Variants in THBS4 observed in about 807,000 individuals in gnomAD.
THBS4 encodes thrombospondin 4, also known as thrombospondin-4.
THBS4 carries 90 observed loss-of-function variants against 115.7 expected under a neutral mutation model. That is an observed-to-expected ratio of 0.78 (90% CI 0.66 to 0.93). THBS4 has a LOEUF of 0.93. THBS4 is among the 40% of genes least tolerant of loss of function. The pLI is 0.00. For synonymous variants in THBS4, 460 were observed against 479.3 expected, an observed-to-expected ratio of 0.96 and a Z score of 0.53; for missense variants, 1,087 against 1,232.7, an observed-to-expected ratio of 0.88 and a Z score of 1.77.
chr5:80,042,766 G>A (rs1832943796), intron 2 of THBS4, among the ~76,000 whole-genome samples: 1 of 152,140 alleles, frequency 6.6e-6, no homozygotes, highest in Non-Finnish European at 1.5e-5. Context: ...AGGAGTTCGA[G>A]AACAGCATGG....
rs1366397703 is a variant in THBS4 at position 80,082,431 on chromosome 5, T to G, written c.2710T>G (p.Leu904Val). 13 of 1,614,030 alleles carry G rather than the reference T, an allele frequency of 8.1e-6. No homozygotes were observed. Among genetic ancestry groups the G allele is most frequent in the African/African-American group, 4.0e-5 (3 of 74,926 alleles). ...IRVRFYEGSELVADSGVTIDT... is the reference protein window; with the variant it reads ...IRVRFYEGSEVVADSGVTIDT... Reference sequence around the variant, plus strand: ...GGTACGATTTTATGAAGGCTCTGAGTTGGTGGCTGACTCTGGCGTCACCAT... The same window carrying G: ...GGTACGATTTTATGAAGGCTCTGAGGTGGTGGCTGACTCTGGCGTCACCAT... The change falls in exon 21 of 22, where the codon TTG (leucine) becomes GTG (valine). Residue 904 changes from leucine (L) to valine (V), a missense_variant. Transcript: ENST00000350881.
intron 17 of THBS4, 156 bp from the exon 18 acceptor site, chr5:80,078,765 A>G (rs10037941): frequency 4.9e-6 from 3 of 610,074 alleles, no homozygotes; most frequent in Non-Finnish European, 2.7e-6. Flanking sequence ...CTTTGAGCAC[A>G]TAACACAATA....
chr5:80,070,442 T>C (rs1207245359), intron 11 of THBS4, 32 bp downstream of exon 11: 3 of 1,586,400 alleles, frequency 1.9e-6, no homozygotes, highest in Non-Finnish European at 2.6e-6. Context: ...TAGGCACACA[T>C]GCACTGTGGC....
intron 2 of THBS4, among the ~76,000 whole-genome samples, chr5:80,011,894 A>G (rs1359860018): frequency 6.6e-6 from 1 of 152,094 alleles, no homozygotes; most frequent in African/African-American, 2.4e-5. Context: ...AAGAAAAAAA[A>G]GAAAGAAAGA....
intron 8 of THBS4, among the ~76,000 whole-genome samples, chr5:80,063,478 C>T (rs952686089): frequency 2.0e-5 from 3 of 152,168 alleles, no homozygotes; most frequent in Non-Finnish European, 4.4e-5. Flanking sequence ...TTCTCCCATT[C>T]TGTAGGTTGC....
At chr5:80,018,537 G>A (rs968262423) in intron 2 of THBS4, among the ~76,000 whole-genome samples, 1 of 151,366 alleles carries the variant, frequency 6.6e-6, no homozygotes, top group Non-Finnish European at 1.5e-5. Context: ...TGAGATTAGA[G>A]GCACCTGCCA....
At chr5:80,074,932 C>T (rs1474341900) in intron 15 of THBS4, among the ~76,000 whole-genome samples, 1 of 152,046 alleles carries the variant, frequency 6.6e-6, no homozygotes, top group East Asian at 1.9e-4. Flanking sequence ...TATAGTCATC[C>T]CTCAGTGTCC....
At chr5:80,010,151 A>G (rs1832095690) in intron 2 of THBS4, among the ~76,000 whole-genome samples, 1 of 152,224 alleles carries the variant, frequency 6.6e-6, no homozygotes. Context: ...TAAACATAAT[A>G]CACAACACCT....
chr5:80,052,223 C>G (rs1424691714), intron 2 of THBS4, among the ~76,000 whole-genome samples: 1 of 152,100 alleles, frequency 6.6e-6, no homozygotes, highest in Admixed American at 6.6e-5. Context: ...ATATATGGTT[C>G]TAATTTCCAG....
In THBS4 at chr5:80,057,648, C is replaced by T. The variant is rs561480518; in HGVS notation, c.541-558C>T. Among the ~76,000 whole-genome samples the T allele has an allele frequency of 5.9e-5, 9 of 152,240 alleles. No homozygotes were observed. In the South Asian group the frequency reaches 1.9e-3, roughly 32 times the overall value. On this transcript the variant is annotated intron_variant, in intron 3 of 21. Transcript: ENST00000350881. ...TAGATATAATAAAGGTGATTGCAAG[C>T]AGCATTCACAAGATAAAAGGGCAAG...
chr5:80,006,303 T>A (rs1390524236), intron 2 of THBS4, among the ~76,000 whole-genome samples: 1 of 152,196 alleles, frequency 6.6e-6, no homozygotes, highest in East Asian at 1.9e-4. Context: ...AGGAGAATCA[T>A]GGGGGTGCTT....
chr5:80,070,345 A>G lies in THBS4; in HGVS notation c.1387A>G (p.Lys463Glu). ...GWAGDGYICG[K>E]DVDIDSYPDE... is the part of the protein sequence containing the mutation. ...GGCTGGAGATGGCTATATCTGTGGA[A>G]AGGATGTGGACATCGACAGTTACCC... The change falls in exon 11 of 22, where the codon AAG becomes GAG. Residue 463 changes from lysine (K) to glutamate (E), a missense_variant. By Grantham distance (56) the Lys-to-Glu change is moderately conservative (BLOSUM62 1). Transcript: ENST00000350881. 1 of 1,608,646 alleles carries G rather than the reference A, an allele frequency of 6.2e-7. No individual in the cohort carries two copies. Among genetic ancestry groups the G allele is most frequent in the Non-Finnish European group, 8.5e-7 (1 of 1,177,400 alleles).
At chr5:80,053,020 G>A (rs1833302035) in intron 2 of THBS4, 1 of 152,182 alleles carries the variant, frequency 6.6e-6, no homozygotes, top group South Asian at 2.1e-4. Flanking sequence ...AGTAATGGTT[G>A]TTTCTTGTAG....
chr5:80,073,367 C>T (rs1215697338), intron 15 of THBS4, 40 bp downstream of exon 15: 1 of 1,571,464 alleles, frequency 6.4e-7, no homozygotes, highest in Non-Finnish European at 8.7e-7. Context: ...CAGATGCAAA[C>T]ATCCGGAGAG....
At chr5:79,996,756 T>C (rs1434610654) in intron 1 of THBS4, among the ~76,000 whole-genome samples, 1 of 152,222 alleles carries the variant, frequency 6.6e-6, no homozygotes. Context: ...ATGAGAATAT[T>C]ATAATCTGAC....
rs535213613 is a variant in THBS4, at chr5:80,053,393, C to T, written c.293-2392C>T. Among the ~76,000 whole-genome samples, 7 of 140,472 alleles carry T rather than the reference C, an allele frequency of 5.0e-5. No individual in the cohort carries two copies. The South Asian group carries it at 1.6e-3, about 33-fold the overall frequency. The allele number at this position is 140,472 out of a possible 152,430, so 92.2% of individuals were successfully genotyped here. A position where few individuals can be genotyped will look rare whatever the true frequency, so the allele number is the denominator to read the frequency against. On this transcript the variant is annotated intron_variant, in intron 2 of 21. Coordinates refer to ENST00000350881, the MANE Select transcript of THBS4 (RefSeq NM_003248.6). ...TCTGAAATGAACATTCTCACCCATA[C>T]ATCTTGGTGCTGCTTTTTTTTTTTT...
At chr5:80,052,987 T>A (rs561904485) in intron 2 of THBS4, 1 of 152,258 alleles carries the variant, frequency 6.6e-6, no homozygotes, top group South Asian at 2.1e-4. Context: ...GTAATATATA[T>A]CTTTTTATTA....
chr5:80,022,965 T>C (rs1832407439), intron 2 of THBS4, among the ~76,000 whole-genome samples: 1 of 152,124 alleles, frequency 6.6e-6, no homozygotes, highest in South Asian at 2.1e-4. Context: ...CCCTTAAGAT[T>C]TAGGATAGAC....
chr5:80,011,003 A>G (rs564672351), intron 2 of THBS4, among the ~76,000 whole-genome samples: 3 of 152,262 alleles, frequency 2.0e-5, no homozygotes, highest in South Asian at 4.1e-4. Context: ...CCCCACCCCA[A>G]TCTCATCTTG....
Sources: allele counts gnomAD v4.1 joint callset (sites outside exome capture counted in the v4.1 genomes callset), GRCh38; gene constraint gnomAD v4.1.1; transcripts MANE v1.5; gene names NCBI Gene and HGNC (gene_info 2026-07-23, HGNC 2026-07-21).